Variants in EPHB1 observed in about 807,000 individuals in gnomAD.
EPHB1 encodes the protein ephrin type-B receptor 1.
In EPHB1, 30 loss-of-function variants were observed where a neutral mutation model predicts 94.4. That is an observed-to-expected ratio of 0.32 (90% CI 0.24 to 0.43). The LOEUF (loss-of-function observed/expected upper bound fraction) is 0.43. Ranked by LOEUF, EPHB1 falls within the 20% of genes least tolerant of loss-of-function variation. The pLI is 1.00. For missense variants in EPHB1, 1,055 were observed against 1,308.3 expected (o/e 0.81, Z 2.99); for synonymous variants, 522 against 489.1 (o/e 1.07, Z -0.89).
intron 3 of EPHB1, among the ~76,000 whole-genome samples, chr3:134,979,368 T>C (rs564643476): frequency 6.6e-6 from 1 of 152,318 alleles, no homozygotes; most frequent in South Asian, 2.1e-4. Flanking sequence ...TCCAAAGGAA[T>C]CCATTGTCTT....
chr3:135,057,012 C>T (rs1198378578), intron 3 of EPHB1, among the ~76,000 whole-genome samples: 2 of 152,204 alleles, frequency 1.3e-5, no homozygotes, highest in African/African-American at 4.8e-5. Context: ...AGAGTCCCCT[C>T]TGGGCCTGCT....
At chr3:135,039,543 A>G (rs1242654942) in intron 3 of EPHB1, among the ~76,000 whole-genome samples, 2 of 152,212 alleles carry the variant, frequency 1.3e-5, no homozygotes, top group Non-Finnish European at 2.9e-5. Context: ...AGGCTCAGGC[A>G]TGGTGGGCTG....
At chr3:135,146,416 A>C (rs1941012626) in intron 5 of EPHB1, among the ~76,000 whole-genome samples, 1 of 152,232 alleles carries the variant, frequency 6.6e-6, no homozygotes, top group African/African-American at 2.4e-5. Flanking sequence ...AGGCACAATG[A>C]GATACAGGTG....
At chr3:135,175,768 T>C (rs1404131802) in intron 9 of EPHB1, among the ~76,000 whole-genome samples, 3 of 152,222 alleles carry the variant, frequency 2.0e-5, no homozygotes, top group Admixed American at 2.0e-4. Flanking sequence ...ACATCTGATA[T>C]TATTATTACT....
At chr3:135,133,371 G>A (rs1283602973) in intron 5 of EPHB1, among the ~76,000 whole-genome samples, 3 of 152,314 alleles carry the variant, frequency 2.0e-5, no homozygotes, top group Non-Finnish European at 2.9e-5. Flanking sequence ...ATGAAGAGAT[G>A]GACAGACAGG....
At chr3:135,052,460 G>A (rs772714642) in intron 3 of EPHB1, among the ~76,000 whole-genome samples, 21 of 152,028 alleles carry the variant, frequency 1.4e-4, no homozygotes, top group Admixed American at 7.2e-4. Context: ...GTGGAAGAGG[G>A]AAGCTGCTTA....
chr3:135,016,832 C>T (rs1935813033), intron 3 of EPHB1, among the ~76,000 whole-genome samples: 1 of 152,178 alleles, frequency 6.6e-6, no homozygotes, highest in African/African-American at 2.4e-5. Flanking sequence ...TGTGATGTCT[C>T]TTCCTTAAAA....
chr3:134,961,423 T>G (rs1341883332), intron 3 of EPHB1, among the ~76,000 whole-genome samples: 1 of 152,246 alleles, frequency 6.6e-6, no homozygotes, highest in Non-Finnish European at 1.5e-5. Context: ...CTGGTTAATT[T>G]CTGAACCTTT....
At chr3:135,089,777 A>C (rs1441466747) in intron 3 of EPHB1, among the ~76,000 whole-genome samples, 2 of 152,162 alleles carry the variant, frequency 1.3e-5, no homozygotes, top group African/African-American at 4.8e-5. Context: ...TCCTTTCTCA[A>C]GTTGCTCAGC....
At chr3:135,095,114 T>C (rs1938709871) in intron 3 of EPHB1, among the ~76,000 whole-genome samples, 1 of 152,090 alleles carries the variant, frequency 6.6e-6, no homozygotes, top group South Asian at 2.1e-4. Context: ...ACTCCCAATA[T>C]TCCCCCCAAA....
chr3:134,955,105 A>ATTTTTTTTTTTTTTTTTTTT (rs1174011769), intron 3 of EPHB1, among the ~76,000 whole-genome samples: 41 of 24,128 alleles, frequency 1.7e-3, no homozygotes, highest in South Asian at 3.9e-3. Context: ...TTTTTTTTTA[A>ATTTTTTTTTTTTTTTTTTTT]TTTTTTTTTT....
In EPHB1 at chr3:135,024,103, G is replaced by A. The variant is rs544950386; in HGVS notation, c.805+72051G>A. Among the ~76,000 whole-genome samples the A allele has an allele frequency of 1.8e-4, 28 of 152,188 alleles. 1 individual carries two copies. In the South Asian group the frequency reaches 4.1e-3, roughly 23 times the overall value. On this transcript the variant is annotated intron_variant, in intron 3 of 15. Coordinates refer to ENST00000398015, the MANE Select transcript of EPHB1 (RefSeq NM_004441.5). ...CACCAACACTTGGTTCAGGCCACAC[G>A]TGGTAATGATGGCTGAGCTGAGCTA...
chr3:134,947,380 C>A (rs1157944560), intron 2 of EPHB1, among the ~76,000 whole-genome samples: 1 of 152,204 alleles, frequency 6.6e-6, no homozygotes. Context: ...GAAGCCCACT[C>A]TGATCACTTA....
intron 1 of EPHB1, among the ~76,000 whole-genome samples, chr3:134,886,276 A>T (rs1262761486): frequency 1.3e-5 from 2 of 152,134 alleles, no homozygotes; most frequent in African/African-American, 4.8e-5. Context: ...CCCCAAGGGG[A>T]TTATAACCTG....
At chr3:134,875,434 C>A (rs6772732) in intron 1 of EPHB1, among the ~76,000 whole-genome samples, 1,822 of 152,196 alleles carry the variant, frequency 0.012, 38 homozygotes, top group African/African-American at 0.042. Context: ...CCTGTGTCCC[C>A]TGTGGAAGGC....
chr3:134,811,242 G>GTTTTTTTTTTTTTGTTTTTTTTTT (rs2036169203), intron 1 of EPHB1, among the ~76,000 whole-genome samples: 1 of 73,850 alleles, frequency 1.4e-5, no homozygotes, highest in Non-Finnish European at 2.7e-5. Flanking sequence ...TACTAAGAAG[G>GTTTTTTTTTTTTTGTTTTTTTTTT]TTTTTTTTTT....
intron 1 of EPHB1, among the ~76,000 whole-genome samples, chr3:134,916,243 C>T (rs1027175910): frequency 3.3e-5 from 5 of 152,214 alleles, no homozygotes; most frequent in African/African-American, 4.8e-5. Flanking sequence ...CTTAGCTAGA[C>T]ATAAAGGTTC....
chr3:134,918,219 T>A (rs1225075143), intron 1 of EPHB1, among the ~76,000 whole-genome samples: 2 of 152,124 alleles, frequency 1.3e-5, no homozygotes, highest in Non-Finnish European at 2.9e-5. Context: ...TAGGACTAGG[T>A]CGAGTCTTTC....
chr3:134,858,135 C>T (rs1007632042), intron 1 of EPHB1, among the ~76,000 whole-genome samples: 5 of 148,158 alleles, frequency 3.4e-5, no homozygotes, highest in Non-Finnish European at 7.4e-5. Context: ...CTCTCAATGG[C>T]AAGTTTTATT....
Sources: gnomAD v4.1 joint callset for allele counts (sites outside exome capture counted in the v4.1 genomes callset) on GRCh38, gnomAD v4.1.1 for gene constraint, MANE v1.5 for transcripts, NCBI Gene and HGNC (gene_info 2026-07-23, HGNC 2026-07-21) for gene names.